Variants in SLC4A10 observed in about 807,000 individuals in gnomAD.
SLC4A10 encodes sodium-driven chloride bicarbonate exchanger.
In SLC4A10, 42 loss-of-function variants were observed where a neutral mutation model predicts 137.7. The observed-to-expected ratio is 0.30, with a 90% CI of 0.24 to 0.39. The LOEUF (loss-of-function observed/expected upper bound fraction) is 0.39. SLC4A10 is among the 10% of genes least tolerant of loss of function. SLC4A10 has a pLI of 1.00. For missense variants in SLC4A10, 925 were observed against 1,355.0 expected, an observed-to-expected ratio of 0.68 and a Z score of 4.98; for synonymous variants, 474 against 464.1, an observed-to-expected ratio of 1.02 and a Z score of -0.27.
At chr2:161,782,247 C>T (rs1289854822) in intron 2 of SLC4A10, among the ~76,000 whole-genome samples, 3 of 152,036 alleles carry the variant, frequency 2.0e-5, no homozygotes, top group Non-Finnish European at 4.4e-5. Flanking sequence ...CTCACTCATC[C>T]TGGTGCACTC....
At chr2:161,836,838 CAAT>C (rs1307331703) in intron 3 of SLC4A10, among the ~76,000 whole-genome samples, 1 of 152,098 alleles carries the variant, frequency 6.6e-6, no homozygotes, top group South Asian at 2.1e-4. Flanking sequence ...AAAAATGCAA[CAAT>C]GATTCCAATG....
chr2:161,625,863 A>C (rs942150338), intron 1 of SLC4A10, among the ~76,000 whole-genome samples: 1 of 152,114 alleles, frequency 6.6e-6, no homozygotes, highest in East Asian at 1.9e-4. Context: ...AACAGAGGAC[A>C]GGGGCAGTGT....
At chr2:161,708,737 G>A (rs1321904716) in intron 1 of SLC4A10, 3 of 1,529,980 alleles carry the variant, frequency 2.0e-6, no homozygotes, top group African/African-American at 2.8e-5. Flanking sequence ...ATTATCTTTT[G>A]TAAGACAGGA....
chr2:161,730,879 A>G (rs2046753519), intron 1 of SLC4A10, among the ~76,000 whole-genome samples: 1 of 152,200 alleles, frequency 6.6e-6, no homozygotes, highest in South Asian at 2.1e-4. Flanking sequence ...GAAGTTAACC[A>G]CGTAAGAAGT....
chr2:161,677,104 T>C (rs964050252), intron 1 of SLC4A10, among the ~76,000 whole-genome samples: 2 of 152,174 alleles, frequency 1.3e-5, no homozygotes, highest in Non-Finnish European at 2.9e-5. Context: ...CCCTCATGAA[T>C]GGCTTGGTAG....
intron 3 of SLC4A10, among the ~76,000 whole-genome samples, chr2:161,831,016 A>G (rs1262582355): frequency 6.6e-6 from 1 of 152,180 alleles, no homozygotes; most frequent in Non-Finnish European, 1.5e-5. Flanking sequence ...ATTTAAGCAG[A>G]GAGTAGATGT....
chr2:161,641,937 T>A (rs1293673547), intron 1 of SLC4A10, among the ~76,000 whole-genome samples: 1 of 152,034 alleles, frequency 6.6e-6, no homozygotes, highest in Non-Finnish European at 1.5e-5. Flanking sequence ...AATGCTGCTT[T>A]AAAAAATCGA....
chr2:161,954,758 A>G (rs2105849024), intron 19 of SLC4A10, among the ~76,000 whole-genome samples: 1 of 152,352 alleles, frequency 6.6e-6, no homozygotes, highest in East Asian at 1.9e-4. Flanking sequence ...TATATATTAC[A>G]AAACTAGCTT....
chr2:161,691,657 G>T (rs2042013401), intron 1 of SLC4A10, among the ~76,000 whole-genome samples: 1 of 151,892 alleles, frequency 6.6e-6, no homozygotes, highest in Non-Finnish European at 1.5e-5. Flanking sequence ...AAGTATTATT[G>T]AGCTCTTATA....
intron 2 of SLC4A10, among the ~76,000 whole-genome samples, chr2:161,772,838 G>A (rs992666541): frequency 1.3e-5 from 2 of 151,784 alleles, no homozygotes; most frequent in Non-Finnish European, 2.9e-5. Flanking sequence ...GCTATTGAGG[G>A]TTCTGTTGTG....
chr2:161,767,940 A>C (rs2051103490), intron 1 of SLC4A10, among the ~76,000 whole-genome samples: 1 of 152,006 alleles, frequency 6.6e-6, no homozygotes, highest in South Asian at 2.1e-4. Flanking sequence ...AAACCTCAGA[A>C]AAAAGGTGTC....
chr2:161,855,763 A>T (rs1470769123), intron 5 of SLC4A10, among the ~76,000 whole-genome samples: 1 of 152,140 alleles, frequency 6.6e-6, no homozygotes, highest in East Asian at 1.9e-4. Context: ...AACATATTTT[A>T]GTAAAAACAA....
intron 19 of SLC4A10, among the ~76,000 whole-genome samples, 172 bp from the exon 20 acceptor site, chr2:161,956,817 G>A (rs939366536): frequency 1.3e-5 from 2 of 152,170 alleles, no homozygotes; most frequent in Non-Finnish European, 2.9e-5. Flanking sequence ...GTCACCCAAT[G>A]AGACAAACGA....
chr2:161,633,788 T>G (rs917170884), intron 1 of SLC4A10, among the ~76,000 whole-genome samples: 4 of 151,808 alleles, frequency 2.6e-5, no homozygotes, highest in African/African-American at 9.7e-5. Flanking sequence ...TATAAATTGA[T>G]AATTATAATA....
intron 3 of SLC4A10, among the ~76,000 whole-genome samples, chr2:161,823,447 A>G (rs1367709579): frequency 6.6e-6 from 1 of 152,216 alleles, no homozygotes; most frequent in Non-Finnish European, 1.5e-5. Flanking sequence ...ATATTGCCGT[A>G]AAAAGAATGA....
intron 25 of SLC4A10, 141 bp downstream of exon 25, chr2:161,977,017 T>A (rs1699489779): frequency 1.9e-6 from 1 of 535,820 alleles, no homozygotes; most frequent in Non-Finnish European, 3.2e-6. Context: ...TGGGTAGAAA[T>A]TGTAATTATT....
At chr2:161,895,740 G>T (rs2063414880) in intron 11 of SLC4A10, among the ~76,000 whole-genome samples, 1 of 152,086 alleles carries the variant, frequency 6.6e-6, no homozygotes, top group South Asian at 2.1e-4. Flanking sequence ...CATATCCTTT[G>T]CCCACTTTTT....
intron 15 of SLC4A10, among the ~76,000 whole-genome samples, chr2:161,930,975 A>G (rs1220523472): frequency 6.6e-6 from 1 of 151,640 alleles, no homozygotes; most frequent in African/African-American, 2.4e-5. Context: ...TCTGTGGCCC[A>G]AGCTGAAGTG....
chr2:161,950,915 C>A, intron 19 of SLC4A10, 67 bp downstream of exon 19: 1 of 1,252,084 alleles, frequency 8.0e-7, no homozygotes, highest in East Asian at 2.6e-5. Context: ...GTTCATTTGA[C>A]TTCTATATTC....
Sources: allele counts gnomAD v4.1 joint callset (sites outside exome capture counted in the v4.1 genomes callset), GRCh38; gene constraint gnomAD v4.1.1; transcripts MANE v1.5; gene names NCBI Gene and HGNC (gene_info 2026-07-23, HGNC 2026-07-21).